Variants in PRKCQ observed in about 807,000 individuals in gnomAD.
The protein encoded by PRKCQ is protein kinase C theta type.
Under a neutral mutation model 91.2 loss-of-function variants are expected in PRKCQ, and 41 were observed. The ratio of observed to expected loss-of-function variants is 0.45; its 90% CI spans 0.35 to 0.58. The LOEUF (loss-of-function observed/expected upper bound fraction) is 0.58. Among genes scored for constraint, PRKCQ ranks in the 20% least tolerant of loss-of-function variants. The pLI, the probability that PRKCQ is intolerant of heterozygous loss-of-function variation, is 0.00. For synonymous variants in PRKCQ, 307 were observed against 316.9 expected, an observed-to-expected ratio of 0.97 and a Z score of 0.33; for missense variants, 673 against 896.5, an observed-to-expected ratio of 0.75 and a Z score of 3.18.
chr10:6,548,075 T>C (rs1240190013), intron 1 of PRKCQ, among the ~76,000 whole-genome samples: 1 of 152,150 alleles, frequency 6.6e-6, no homozygotes, highest in Non-Finnish European at 1.5e-5. Flanking sequence ...GGGTGAAGGA[T>C]ATGAGCAGAC....
At chr10:6,475,333 T>A (rs1195526740) in intron 12 of PRKCQ, among the ~76,000 whole-genome samples, 1 of 152,214 alleles carries the variant, frequency 6.6e-6, no homozygotes, top group African/African-American at 2.4e-5. Flanking sequence ...GCCCTGTTGA[T>A]AAACGGCAGA....
the PRKCQ span, among the ~76,000 whole-genome samples, chr10:6,411,225 G>C: frequency 6.6e-6 from 1 of 152,160 alleles, no homozygotes; most frequent in Non-Finnish European, 1.5e-5. Context: ...AGTTAGTGAG[G>C]ACAATCATAG....
intron 1 of PRKCQ, among the ~76,000 whole-genome samples, chr10:6,550,804 C>T (rs1840154682): frequency 6.6e-6 from 1 of 152,178 alleles, no homozygotes; most frequent in Non-Finnish European, 1.5e-5. Context: ...CCCATAGCAG[C>T]TATACCATTT....
At chr10:6,489,640 G>A (rs1837164871) in intron 8 of PRKCQ, 2 of 374,464 alleles carry the variant, frequency 5.3e-6, no homozygotes, top group South Asian at 4.0e-5. Context: ...CGGAGCAGGC[G>A]GGGTGAGCAC....
In PRKCQ at chr10:6,428,088, A is replaced by T; in HGVS notation, c.*119T>A. ...AGTCACATGGGGGCGAACGGGTCTCAGTCTTTATTGTTGAGTGTTTCTTTC... is the reference window on the plus strand; with the variant it reads ...AGTCACATGGGGGCGAACGGGTCTCTGTCTTTATTGTTGAGTGTTTCTTTC... On this transcript the variant is annotated 3_prime_UTR_variant, in exon 18 of 18. Transcript: ENST00000263125. The T allele has an allele frequency of 3.0e-6, 4 of 1,312,852 alleles. No homozygotes were observed. In the South Asian group the frequency reaches 5.2e-5, roughly 17 times the overall value. 81.3% of individuals were successfully genotyped at this position (1,312,852 alleles called of 1,614,324 possible).
chr10:6,563,965 A>G (rs1485335833), intron 1 of PRKCQ, among the ~76,000 whole-genome samples: 1 of 152,116 alleles, frequency 6.6e-6, no homozygotes, highest in Non-Finnish European at 1.5e-5. Context: ...AGAGGAGGTG[A>G]GGTCTCAGGG....
At position 6,460,130 on chromosome 10, in the gene PRKCQ, C is replaced by T. The variant is rs372292642; in HGVS notation, c.1508+2173G>A. 2.0e-4 allele frequency among the ~76,000 whole-genome samples: 30 copies of T among 152,320 alleles called. No individual in the cohort carries two copies. In the East Asian group the frequency reaches 4.4e-3, roughly 23 times the overall value. On this transcript the variant is annotated intron_variant, in intron 14 of 17. Transcript: ENST00000263125. ...CTCAGTTATAACTATTTGATGATGA[C>T]TTTCAAGGGTCTCCTGCAACCTAAT...
At chr10:6,414,839 G>T in the PRKCQ span, among the ~76,000 whole-genome samples, 1 of 151,746 alleles carries the variant, frequency 6.6e-6, no homozygotes, top group Non-Finnish European at 1.5e-5. Context: ...TGAACTATGG[G>T]ATTACTTCAA....
At chr10:6,492,832 A>C (rs1249999924) in intron 7 of PRKCQ, among the ~76,000 whole-genome samples, 2 of 152,182 alleles carry the variant, frequency 1.3e-5, no homozygotes, top group Non-Finnish European at 2.9e-5. Context: ...GAAGTTTCTA[A>C]TTCAACAGTT....
chr10:6,482,754 T>C (rs1203922442), intron 11 of PRKCQ, among the ~76,000 whole-genome samples: 1 of 152,110 alleles, frequency 6.6e-6, no homozygotes, highest in Non-Finnish European at 1.5e-5. Flanking sequence ...CTCGCAATCA[T>C]GGTGGAAGAC....
At chr10:6,485,509 C>G (rs1049876509) in intron 9 of PRKCQ, among the ~76,000 whole-genome samples, 2 of 152,186 alleles carry the variant, frequency 1.3e-5, no homozygotes, top group African/African-American at 4.8e-5. Flanking sequence ...ACAGGATTCT[C>G]TCATGCTGTC....
At chr10:6,526,890 C>T (rs1040167313) in intron 1 of PRKCQ, among the ~76,000 whole-genome samples, 2 of 152,172 alleles carry the variant, frequency 1.3e-5, no homozygotes, top group African/African-American at 4.8e-5. Flanking sequence ...AGAGAGACTA[C>T]TGGGGGCGAC....
chr10:6,418,322 A>C, the PRKCQ span, among the ~76,000 whole-genome samples: 1 of 152,220 alleles, frequency 6.6e-6, no homozygotes, highest in African/African-American at 2.4e-5. Context: ...ATGAATGACA[A>C]AGAGCTGATA....
At chr10:6,484,782 C>T (rs921668866) in intron 10 of PRKCQ, among the ~76,000 whole-genome samples, 2 of 152,168 alleles carry the variant, frequency 1.3e-5, no homozygotes, top group Admixed American at 1.3e-4. Flanking sequence ...CTCTTTCCTA[C>T]CCTTAAATTT....
At chr10:6,470,716 T>A (rs539195472) in intron 12 of PRKCQ, among the ~76,000 whole-genome samples, 1 of 152,024 alleles carries the variant, frequency 6.6e-6, no homozygotes, top group African/African-American at 2.4e-5. Flanking sequence ...TTTGGGAGCC[T>A]GAGGTGGGTG....
intron 8 of PRKCQ, among the ~76,000 whole-genome samples, chr10:6,487,159 G>C (rs1166485016): frequency 1.3e-5 from 2 of 152,132 alleles, no homozygotes; most frequent in African/African-American, 4.8e-5. Flanking sequence ...TTATGGGAAG[G>C]GTAGAGGGCC....
chr10:6,398,930 A>C, the PRKCQ span, among the ~76,000 whole-genome samples: 1 of 151,962 alleles, frequency 6.6e-6, no homozygotes, highest in South Asian at 2.1e-4. Context: ...ATTAAAAAAA[A>C]ATTTTATAGA....
At chr10:6,409,732 A>C in the PRKCQ span, among the ~76,000 whole-genome samples, 1 of 152,106 alleles carries the variant, frequency 6.6e-6, no homozygotes, top group Non-Finnish European at 1.5e-5. Flanking sequence ...ACTCTACAGA[A>C]GGTTTTTTTT....
At chr10:6,451,199 A>G (rs1834654964) in intron 15 of PRKCQ, among the ~76,000 whole-genome samples, 1 of 149,400 alleles carries the variant, frequency 6.7e-6, no homozygotes. Flanking sequence ...TAAAGAAAAA[A>G]AGAGAGAAGA....
Sources: allele counts gnomAD v4.1 joint callset (sites outside exome capture counted in the v4.1 genomes callset), GRCh38; gene constraint gnomAD v4.1.1; transcripts MANE v1.5; gene names NCBI Gene and HGNC (gene_info 2026-07-23, HGNC 2026-07-21).